The following MCC variants were observed in gnomAD, a reference collection of about 807,000 sequenced individuals.
The protein encoded by MCC is MCC regulator of Wnt signaling pathway, also known as colorectal mutant cancer protein.
In MCC, 90 loss-of-function variants were observed where a neutral mutation model predicts 116.2. That is an observed-to-expected ratio of 0.77 (90% CI 0.65 to 0.92). The LOEUF (loss-of-function observed/expected upper bound fraction) is 0.92, where lower values mean the gene tolerates loss of function less well. Ranked by LOEUF, MCC falls within the 40% of genes least tolerant of loss-of-function variation. MCC has a pLI of 0.00. For missense variants in MCC, 1,516 were observed against 1,312.2 expected, an observed-to-expected ratio of 1.16 and a Z score of -2.40; for synonymous variants, 578 against 510.5, an observed-to-expected ratio of 1.13 and a Z score of -1.78.
intron 3 of MCC, among the ~76,000 whole-genome samples, chr5:113,179,593 T>G (rs1561432348): frequency 6.6e-6 from 1 of 152,188 alleles, no homozygotes; most frequent in East Asian, 1.9e-4. Context: ...CTGAATCAAT[T>G]TCTATTGATT....
rs780970776 is a variant in MCC, at chr5:113,434,098, G to C, written c.171-48886C>G. The C allele has an allele frequency of 6.2e-7, 1 of 1,614,212 alleles. No homozygotes were observed. The highest frequency in any genetic ancestry group is 8.5e-7 in the Non-Finnish European group (1 of 1,180,022). ...TCGGGCTGCAGCATGTGGTAGATGA[G>C]GTCCTTGCACTCGCCTGTCAGGTGC... On this transcript the variant is annotated intron_variant, in intron 1 of 18. Coordinates refer to ENST00000408903, the MANE Select transcript of MCC (RefSeq NM_001085377.2). This position sits in a 1 kb window ranked among gnomAD's most constrained non-coding sequence, Gnocchi z 4.2.
In MCC at chr5:113,027,008, G is replaced by T. The variant is rs545676740; in HGVS notation, c.*294C>A. On this transcript the variant is annotated 3_prime_UTR_variant, in exon 19 of 19. Transcript: ENST00000408903. The stretch of plus-strand genomic sequence containing the variant: ...CACAGCCGCCAGACCAGAAGAGGAG[G>T]GGGAGAGTGAGTGCTGAAAGCAGAA... 5.6e-6 allele frequency: 2 copies of T among 354,204 alleles called. No individual in the cohort carries two copies. The highest frequency in any genetic ancestry group is 5.1e-6 in the Non-Finnish European group (1 of 197,274). The allele number at this position is 354,204 out of a possible 1,614,324, so 21.9% of individuals were successfully genotyped here. A position where few individuals can be genotyped will look rare whatever the true frequency, so the allele number is the denominator to read the frequency against.
chr5:113,282,724 T>G (rs970829633), intron 3 of MCC, among the ~76,000 whole-genome samples: 1 of 152,200 alleles, frequency 6.6e-6, no homozygotes, highest in African/African-American at 2.4e-5. Flanking sequence ...CATATGGCGC[T>G]TACTCTTATT....
intron 3 of MCC, among the ~76,000 whole-genome samples, chr5:113,319,699 A>G (rs2150370747): frequency 6.6e-6 from 1 of 152,350 alleles, no homozygotes; most frequent in South Asian, 2.1e-4. Flanking sequence ...TTAAGCATAG[A>G]GCTAAAAATC....
chr5:113,262,096 T>C (rs1765239109), intron 3 of MCC, among the ~76,000 whole-genome samples: 1 of 151,856 alleles, frequency 6.6e-6, no homozygotes, highest in Non-Finnish European at 1.5e-5. Context: ...TAATTTTTAT[T>C]TTTTTTTAAG....
intron 2 of MCC, among the ~76,000 whole-genome samples, chr5:113,359,789 T>G (rs987964387): frequency 2.7e-5 from 4 of 149,466 alleles, no homozygotes; most frequent in African/African-American, 9.9e-5. Flanking sequence ...AAATTGACTT[T>G]CACTTCATAG....
At chr5:113,169,276 C>G (rs1053002613) in intron 3 of MCC, among the ~76,000 whole-genome samples, 1 of 151,954 alleles carries the variant, frequency 6.6e-6, no homozygotes, top group Non-Finnish European at 1.5e-5. Context: ...CTAAAGGAAG[C>G]CAAGAAACCC....
At chr5:113,190,737 G>T (rs536703879) in intron 3 of MCC, among the ~76,000 whole-genome samples, 1 of 152,342 alleles carries the variant, frequency 6.6e-6, no homozygotes, top group African/African-American at 2.4e-5. Flanking sequence ...GTGGTGCCAG[G>T]AGAACCCAGG....
At chr5:113,054,372 G>T (rs112915483) in intron 14 of MCC, among the ~76,000 whole-genome samples, 1 of 152,310 alleles carries the variant, frequency 6.6e-6, no homozygotes, top group South Asian at 2.1e-4. Flanking sequence ...GTGATATTTT[G>T]AGGACATAGG....
chr5:113,328,313 C>T (rs1466017819), intron 3 of MCC, among the ~76,000 whole-genome samples: 6 of 152,194 alleles, frequency 3.9e-5, no homozygotes, highest in Admixed American at 3.9e-4. Flanking sequence ...ATCGTAGGAA[C>T]ACATTAATTC....
rs553372528 is a variant in MCC, at chr5:113,085,667, G to A, written c.1399-357C>T. ...GAACATATTATGTAAGGCCCTGGAA[G>A]CTTCCAGGATGGATGACCATCTTTT... On this transcript the variant is annotated intron_variant, in intron 8 of 18. Transcript: ENST00000408903. 2.0e-5 allele frequency among the ~76,000 whole-genome samples: 3 copies of A among 152,234 alleles called. No homozygotes were observed. The South Asian group carries it at 6.2e-4, about 32-fold the overall frequency.
At chr5:113,119,182 G>T (rs189211886) in intron 6 of MCC, among the ~76,000 whole-genome samples, 1 of 152,358 alleles carries the variant, frequency 6.6e-6, no homozygotes, top group African/African-American at 2.4e-5. Context: ...AATTAGGCAG[G>T]TGAAGTCCCT....
At chr5:113,409,911 A>G (rs1308225047) in intron 1 of MCC, among the ~76,000 whole-genome samples, 1 of 149,894 alleles carries the variant, frequency 6.7e-6, no homozygotes, top group Non-Finnish European at 1.5e-5. Flanking sequence ...GGAAAATAGG[A>G]AAAGCAAAGA....
intron 3 of MCC, among the ~76,000 whole-genome samples, chr5:113,321,857 A>T (rs1561523196): frequency 6.6e-6 from 1 of 152,056 alleles, no homozygotes; most frequent in South Asian, 2.1e-4. Flanking sequence ...TTTGAGATGA[A>T]GTCTCGCTGT....
intron 3 of MCC, among the ~76,000 whole-genome samples, chr5:113,282,213 C>A (rs960747913): frequency 6.6e-6 from 1 of 152,102 alleles, no homozygotes; most frequent in African/African-American, 2.4e-5. Flanking sequence ...AGAGAAGGTG[C>A]CAAAAAACAG....
chr5:113,370,062 A>C (rs993060448), intron 2 of MCC, among the ~76,000 whole-genome samples: 1 of 152,242 alleles, frequency 6.6e-6, no homozygotes, highest in African/African-American at 2.4e-5. Context: ...CTGAGGATAT[A>C]ACTTAGTCAA....
intron 3 of MCC, among the ~76,000 whole-genome samples, chr5:113,155,651 C>A (rs1165739343): frequency 6.6e-6 from 1 of 152,144 alleles, no homozygotes; most frequent in East Asian, 1.9e-4. Context: ...TCCCTTTAAT[C>A]ATATTCTGGT....
chr5:113,116,657 T>TG (rs1479126457), intron 6 of MCC, among the ~76,000 whole-genome samples: 1 of 152,218 alleles, frequency 6.6e-6, no homozygotes, highest in Non-Finnish European at 1.5e-5. Context: ...CAGCAGAATT[T>TG]GGGGAAAATA....
chr5:113,205,126 C>G (rs574617990), intron 3 of MCC, among the ~76,000 whole-genome samples: 1 of 152,166 alleles, frequency 6.6e-6, no homozygotes, highest in Admixed American at 6.5e-5. Context: ...TCCCTCACCC[C>G]CTGCCTTACT....
Sources: allele counts gnomAD v4.1 joint callset (sites outside exome capture counted in the v4.1 genomes callset), GRCh38; gene constraint gnomAD v4.1.1; non-coding constraint Gnocchi (gnomAD v3.1); transcripts MANE v1.5; gene names NCBI Gene and HGNC (gene_info 2026-07-23, HGNC 2026-07-21).